Variants in SYNE1 observed in about 807,000 individuals in gnomAD.
The protein encoded by SYNE1 is spectrin repeat containing nuclear envelope protein 1.
Under a neutral mutation model 1,111.0 loss-of-function variants are expected in SYNE1, and 616 were observed. The ratio of observed to expected loss-of-function variants is 0.55; its 90% CI spans 0.52 to 0.59. SYNE1 has a LOEUF of 0.59. SYNE1 is among the 20% of genes least tolerant of loss of function. The pLI is 0.00. For missense variants in SYNE1, 10,006 were observed against 10,417.0 expected (o/e 0.96, Z 1.72); for synonymous variants, 3,855 against 3,825.8 (o/e 1.01, Z -0.28).
At chr6:152,184,476 A>G (rs1408580717) in intron 128 of SYNE1, among the ~76,000 whole-genome samples, 1 of 151,462 alleles carries the variant, frequency 6.6e-6, no homozygotes, top group Non-Finnish European at 1.5e-5. Context: ...TGACTGATAT[A>G]TATTAAAGAC....
In SYNE1 at chr6:152,430,158, A is replaced by G. The variant is rs1222216452; in HGVS notation, c.4742T>C (p.Ile1581Thr). The G allele has an allele frequency of 6.2e-7, 1 of 1,605,402 alleles. No individual in the cohort carries two copies. Among genetic ancestry groups the G allele is most frequent in the African/African-American group, 1.3e-5 (1 of 74,808 alleles). Residue 1581 changes from isoleucine to threonine, a missense_variant, in exon 36 of 146, where the codon ATA becomes ACA. By Grantham distance (89) the Ile-to-Thr change is moderately conservative. Coordinates refer to ENST00000367255, the MANE Select transcript of SYNE1 (RefSeq NM_182961.4). ...GTATGTTTCTGTAGCTGAAGAACAT[A>G]TTTTAATTGGAACAGCAAGTTTATC... is the stretch of plus-strand genomic sequence containing the variant. ...FEDKLAVPIK[I>T]CSSATETYKV...
At chr6:152,411,218 A>T (rs1277872909) in intron 42 of SYNE1, among the ~76,000 whole-genome samples, 3 of 152,100 alleles carry the variant, frequency 2.0e-5, no homozygotes, top group Non-Finnish European at 1.5e-5. Context: ...AAAACAATTG[A>T]CTGTATATGT....
chr6:152,362,733 G>T (rs570866438), intron 63 of SYNE1, among the ~76,000 whole-genome samples: 115 of 152,216 alleles, frequency 7.6e-4, no homozygotes, highest in Non-Finnish European at 1.3e-3. Context: ...GGAGAGAAAA[G>T]TAAGAACAGT....
chr6:152,213,786 T>C (rs772259232), intron 122 of SYNE1, 27 bp from the exon 123 acceptor site: 4 of 1,613,880 alleles, frequency 2.5e-6, no homozygotes, highest in Non-Finnish European at 3.4e-6. Flanking sequence ...CAAGGAACAA[T>C]GGTTATTTCA....
Position 152,450,804 on chromosome 6 carries a change from A to T in SYNE1, c.3216T>A (p.His1072Gln). The T allele has an allele frequency of 1.9e-6, 3 of 1,614,108 alleles. No individual in the cohort carries two copies. Among genetic ancestry groups the T allele is most frequent in the South Asian group, 1.1e-5 (1 of 91,078 alleles). Residue 1072 changes from histidine (H) to glutamine (Q), a missense_variant, in exon 27 of 146, where the codon CAT becomes CAA. By Grantham distance (24) the His-to-Gln change is conservative. This residue lies in a region of SYNE1 where 1,971 missense variants were observed against 2,084.1 expected (regional missense o/e 0.95). Coordinates refer to ENST00000367255, the MANE Select transcript of SYNE1 (RefSeq NM_182961.4). ...RVFFSDKGPHHLCEKRLQLIE... is the reference protein window; with the variant it reads ...RVFFSDKGPHQLCEKRLQLIE... The stretch of plus-strand genomic sequence containing the variant: ...TGAGCTGTAACCTTTTCTCACAGAG[A>T]TGATGAGGACCTTTGTCACTGAAGA...
chr6:152,533,711 T>C (rs79710998), intron 4 of SYNE1, among the ~76,000 whole-genome samples: 11,451 of 152,178 alleles, frequency 0.075, 525 homozygotes, highest in African/African-American at 0.11. Context: ...TGATCTTCTT[T>C]ACTGTCCATC....
intron 3 of SYNE1, among the ~76,000 whole-genome samples, chr6:152,604,998 AAGAAAGAAAGAGAG>A (rs1421565362): frequency 1.0e-3 from 28 of 26,926 alleles, no homozygotes; most frequent in Admixed American, 2.4e-3. Context: ...GAAAGAAAGA[AAGAAAGAAAGAGAG>A]AGAGAGAGAG....
At position 152,330,645 on chromosome 6, in the gene SYNE1, A is replaced by T; in HGVS notation, c.14040T>A (p.Ile4680=). ...CACTCAGAGACTGGGTTGTCAACTC[A>T]ATCAAGGAAGCATATTCCTTCCGAG... The part of the protein sequence containing the change: ...ILARKEYASL[I]ELTTQSLSEL... Residue 4680 remains isoleucine (I), a synonymous_variant, in exon 78 of 146, where the codon ATT becomes ATA. Coordinates refer to ENST00000367255, the MANE Select transcript of SYNE1 (RefSeq NM_182961.4). The T allele has an allele frequency of 6.2e-7, 1 of 1,613,750 alleles. No homozygotes were observed. The highest frequency in any genetic ancestry group is 8.5e-7 in the Non-Finnish European group (1 of 1,180,010).
At chr6:152,309,294 A>G (rs539838582) in intron 90 of SYNE1, among the ~76,000 whole-genome samples, 1 of 152,346 alleles carries the variant, frequency 6.6e-6, no homozygotes, top group South Asian at 2.1e-4. Flanking sequence ...GATGCTATTG[A>G]TACAATTTTT....
intron 3 of SYNE1, among the ~76,000 whole-genome samples, chr6:152,557,223 A>T (rs1181342221): frequency 6.6e-6 from 1 of 152,166 alleles, no homozygotes; most frequent in Non-Finnish European, 1.5e-5. Flanking sequence ...AGAAAGAATC[A>T]GAAAGCTTGA....
chr6:152,218,476 A>G, intron 120 of SYNE1, 73 bp from the exon 121 acceptor site: 24 of 1,510,094 alleles, frequency 1.6e-5, no homozygotes, highest in Non-Finnish European at 2.2e-5. Flanking sequence ...AGTCTGGTAA[A>G]AGGGCAAGTG....
At chr6:152,430,852 C>T (rs1315996231) in intron 34 of SYNE1, 143 bp from the exon 35 acceptor site, 1 of 818,662 alleles carries the variant, frequency 1.2e-6, no homozygotes, top group Non-Finnish European at 2.0e-6. Context: ...TGAGCAAACA[C>T]CATGTGTTTG....
chr6:152,235,276 G>T (rs2153531144), intron 110 of SYNE1, among the ~76,000 whole-genome samples: 1 of 152,238 alleles, frequency 6.6e-6, no homozygotes, highest in Non-Finnish European at 1.5e-5. Context: ...GAAACTCAAA[G>T]GTAAGGTGCC....
chr6:152,478,827 A>G (rs924701335), intron 14 of SYNE1, among the ~76,000 whole-genome samples: 19 of 152,080 alleles, frequency 1.2e-4, no homozygotes, highest in African/African-American at 4.1e-4. Flanking sequence ...GTTTTTTTCC[A>G]GCCACAGTCA....
intron 52 of SYNE1, 62 bp downstream of exon 52, chr6:152,391,215 C>T (rs1280403289): frequency 6.2e-7 from 1 of 1,607,812 alleles, no homozygotes; most frequent in Non-Finnish European, 8.5e-7. Flanking sequence ...AACACAAGCA[C>T]TTGTGAATCT....
chr6:152,351,927 T>A, intron 70 of SYNE1, 100 bp downstream of exon 70: 2 of 1,103,716 alleles, frequency 1.8e-6, no homozygotes, highest in Non-Finnish European at 2.7e-6. Context: ...CGGGATGCAT[T>A]CCAGCAGCTG....
Position 152,488,271 on chromosome 6 carries a change from T to C in SYNE1, c.1047+125A>G, listed in dbSNP as rs2098951801. The stretch of plus-strand genomic sequence containing the variant: ...TTATATGCAAACTTAGGGTAATGAA[T>C]GTTATGTCTTTAAAGACTTTTCTCA... On this transcript the variant is annotated intron_variant, in intron 12 of 145. Transcript: ENST00000367255. The C allele has an allele frequency of 1.8e-5, 11 of 614,962 alleles. No homozygotes were observed. The South Asian group carries it at 2.2e-4, about 12-fold the overall frequency. The allele number at this position is 614,962 out of a possible 1,614,324, so 38.1% of individuals were successfully genotyped here.
intron 25 of SYNE1, among the ~76,000 whole-genome samples, chr6:152,451,970 A>G (rs183423539): frequency 6.6e-6 from 1 of 152,150 alleles, no homozygotes. Flanking sequence ...AAGAAAGAAC[A>G]TGAGGAAAGC....
chr6:152,202,942 T>G (rs79384360), intron 126 of SYNE1, among the ~76,000 whole-genome samples: 15 of 152,282 alleles, frequency 9.9e-5, no homozygotes, highest in African/African-American at 3.4e-4. Flanking sequence ...AGAAGAGAGA[T>G]AATGCACAAT....
Sources: allele counts gnomAD v4.1 joint callset (sites outside exome capture counted in the v4.1 genomes callset), GRCh38; gene constraint gnomAD v4.1.1; regional missense constraint gnomAD v4.1.1; transcripts MANE v1.5; gene names NCBI Gene and HGNC (gene_info 2026-07-23, HGNC 2026-07-21).